The following FAM178B variants were observed in gnomAD, a reference collection of about 807,000 sequenced individuals.
The protein encoded by FAM178B is protein FAM178B.
Under a neutral mutation model 91.7 loss-of-function variants are expected in FAM178B, and 82 were observed. The ratio of observed to expected loss-of-function variants is 0.89; its 90% CI spans 0.75 to 1.07. The LOEUF (loss-of-function observed/expected upper bound fraction) is 1.07. FAM178B is among the 50% of genes least tolerant of loss of function. FAM178B has a pLI of 0.00. For synonymous variants in FAM178B, 368 were observed against 359.4 expected (o/e 1.02, Z -0.27); for missense variants, 769 against 846.7 (o/e 0.91, Z 1.14).
intron 1 of FAM178B, among the ~76,000 whole-genome samples, chr2:96,981,887 T>C (rs920204365): frequency 2.8e-4 from 43 of 151,728 alleles, no homozygotes; most frequent in African/African-American, 1.0e-3. Flanking sequence ...GGCAACACAG[T>C]GAAACCCTGT....
chr2:96,882,577 T>C (rs2080413146), intron 14 of FAM178B, among the ~76,000 whole-genome samples: 2 of 152,250 alleles, frequency 1.3e-5, no homozygotes. Context: ...ACGGTTCATC[T>C]TCCCTTCCAC....
At chr2:96,901,235 C>T (rs553676039) in intron 13 of FAM178B, among the ~76,000 whole-genome samples, 44 of 149,690 alleles carry the variant, frequency 2.9e-4, no homozygotes, top group Non-Finnish European at 5.0e-4. Flanking sequence ...TGCAGTGGCG[C>T]GATCTCGGCT....
At position 96,921,265 on chromosome 2, in the gene FAM178B, G is replaced by A. The variant is rs1470988431; in HGVS notation, c.1465-3C>T. 2 of 1,551,272 alleles carry A rather than the reference G, an allele frequency of 1.3e-6. No individual in the cohort carries two copies. Among genetic ancestry groups the A allele is most frequent in the Non-Finnish European group, 1.7e-6 (2 of 1,146,812 alleles). The stretch of plus-strand genomic sequence containing the variant: ...AGGGTGCAGCACAGTTCCTGGAGCT[G>A]CAGGAGAACGGCACCCCATGGGCTA... On this transcript the variant is annotated splice_polypyrimidine_tract_variant and splice_region_variant and intron_variant, in intron 11 of 16. Coordinates refer to ENST00000490605, the MANE Select transcript of FAM178B (RefSeq NM_001122646.3).
intron 13 of FAM178B, chr2:96,898,134 C>T: frequency 2.0e-6 from 2 of 985,100 alleles, no homozygotes; most frequent in Non-Finnish European, 2.4e-6. Flanking sequence ...AACCCCTGTG[C>T]CCCCTTTTAC....
intron 14 of FAM178B, among the ~76,000 whole-genome samples, chr2:96,883,382 G>C (rs1040636100): frequency 1.7e-4 from 26 of 152,218 alleles, no homozygotes; most frequent in African/African-American, 6.3e-4. Context: ...CTGAAGGGGG[G>C]CAGGAAAGGA....
At chr2:96,945,625 A>T (rs993707281) in intron 8 of FAM178B, among the ~76,000 whole-genome samples, 1 of 152,222 alleles carries the variant, frequency 6.6e-6, no homozygotes, top group Non-Finnish European at 1.5e-5. Flanking sequence ...TCTGTGCCCC[A>T]GAGGCCTGCT....
At chr2:96,956,094 G>A (rs1380948104) in intron 6 of FAM178B, among the ~76,000 whole-genome samples, 1 of 152,208 alleles carries the variant, frequency 6.6e-6, no homozygotes, top group Non-Finnish European at 1.5e-5. Context: ...ATACTGTGAG[G>A]GGCCTATGAC....
intron 7 of FAM178B, among the ~76,000 whole-genome samples, chr2:96,950,734 T>A (rs1320582812): frequency 6.6e-6 from 1 of 152,140 alleles, no homozygotes; most frequent in Non-Finnish European, 1.5e-5. Context: ...GGGCAAAATG[T>A]ATGTTCCCCT....
At chr2:96,968,083 C>A (rs536661147) in intron 4 of FAM178B, among the ~76,000 whole-genome samples, 2 of 151,830 alleles carry the variant, frequency 1.3e-5, no homozygotes, top group South Asian at 2.1e-4. Context: ...CACTCGGATT[C>A]GTTCTTTTTT....
At chr2:96,915,795 G>A (rs1368064918) in intron 12 of FAM178B, among the ~76,000 whole-genome samples, 2 of 149,444 alleles carry the variant, frequency 1.3e-5, no homozygotes, top group African/African-American at 2.5e-5. Context: ...CAGCCTGGGC[G>A]ACAGAGTGGG....
intron 8 of FAM178B, among the ~76,000 whole-genome samples, chr2:96,940,370 C>G (rs1324864136): frequency 6.6e-6 from 1 of 152,210 alleles, no homozygotes. Context: ...CTCTGACTGG[C>G]TCGCTTCCCA....
intron 12 of FAM178B, among the ~76,000 whole-genome samples, chr2:96,912,133 T>G (rs561536070): frequency 1.3e-5 from 2 of 152,210 alleles, no homozygotes; most frequent in Admixed American, 1.3e-4. Flanking sequence ...GAAACCAGGC[T>G]GCCACGCAGC....
chr2:96,975,881 G>C (rs1235411036), intron 1 of FAM178B, among the ~76,000 whole-genome samples: 1 of 150,602 alleles, frequency 6.6e-6, no homozygotes, highest in African/African-American at 2.4e-5. Flanking sequence ...CCCAAAGTTT[G>C]GGAATACAGG....
At chr2:96,941,269 A>T (rs974787686) in intron 8 of FAM178B, among the ~76,000 whole-genome samples, 2 of 152,244 alleles carry the variant, frequency 1.3e-5, no homozygotes, top group Non-Finnish European at 2.9e-5. Flanking sequence ...CTTGGTACAG[A>T]GAGTAGTTTA....
In FAM178B at chr2:96,913,464, G is replaced by A. The variant is rs193078644; in HGVS notation, c.1562+7701C>T. Among the ~76,000 whole-genome samples the A allele has an allele frequency of 1.8e-3, 271 of 152,304 alleles. 1 individual carries two copies. Among genetic ancestry groups the A allele is most frequent in the Middle Eastern group, 0.017 (5 of 294 alleles). On this transcript the variant is annotated intron_variant, in intron 12 of 16. Coordinates refer to ENST00000490605, the MANE Select transcript of FAM178B (RefSeq NM_001122646.3). Reference sequence around the variant, plus strand: ...TGACCCAGGGCCGGGCAGTGGTAAGGGGAGAAGGAAAGGTGGGGCCCTCTG... The same window carrying A: ...TGACCCAGGGCCGGGCAGTGGTAAGAGGAGAAGGAAAGGTGGGGCCCTCTG...
chr2:96,907,997 G>A (rs1198698982), intron 12 of FAM178B, among the ~76,000 whole-genome samples: 3 of 152,244 alleles, frequency 2.0e-5, no homozygotes, highest in Non-Finnish European at 2.9e-5. Context: ...GCCTCAGGGC[G>A]TCCGCCTGGC....
intron 10 of FAM178B, 37 bp from the exon 11 acceptor site, chr2:96,921,691 T>C (rs1176435622): frequency 1.3e-6 from 2 of 1,545,252 alleles, no homozygotes; most frequent in African/African-American, 1.4e-5. Context: ...GGCCAGGGCA[T>C]GGGGGAACGG....
At chr2:96,971,163 AT>A (rs138558501) in intron 3 of FAM178B, among the ~76,000 whole-genome samples, 3,245 of 151,438 alleles carry the variant, frequency 0.021, 105 homozygotes, top group African/African-American at 0.068. Context: ...ATCATTCCCT[AT>A]CAAAGCCAAA....
chr2:96,913,911 G>A (rs2081199477), intron 12 of FAM178B, among the ~76,000 whole-genome samples: 1 of 152,232 alleles, frequency 6.6e-6, no homozygotes, highest in Non-Finnish European at 1.5e-5. Context: ...CGGCTTCTGT[G>A]CAGAGGAGGG....
Sources: gnomAD v4.1 joint callset for allele counts (sites outside exome capture counted in the v4.1 genomes callset) on GRCh38, gnomAD v4.1.1 for gene constraint, MANE v1.5 for transcripts, NCBI Gene and HGNC (gene_info 2026-07-23, HGNC 2026-07-21) for gene names.